FAM135B: variants seen among roughly 807,000 people sequenced by gnomAD.
FAM135B encodes the protein family with sequence similarity 135 member B, also known as protein FAM135B.
In FAM135B, 43 loss-of-function variants were observed where a neutral mutation model predicts 127.7. That is an observed-to-expected ratio of 0.34 (90% CI 0.26 to 0.43). The LOEUF (loss-of-function observed/expected upper bound fraction) is 0.43, where lower values mean the gene tolerates loss of function less well. FAM135B is among the 20% of genes least tolerant of loss of function. FAM135B has a pLI of 1.00. For missense variants in FAM135B, 1,558 were observed against 1,725.6 expected (o/e 0.90, Z 1.72); for synonymous variants, 670 against 665.1 (o/e 1.01, Z -0.11).
At chr8:138,291,059 G>A (rs1206530617) in intron 3 of FAM135B, among the ~76,000 whole-genome samples, 1 of 152,108 alleles carries the variant, frequency 6.6e-6, no homozygotes, top group East Asian at 1.9e-4. Context: ...CCTGGCGTAT[G>A]TTCTTGGGAT....
rs777526489 is a variant in FAM135B, at chr8:138,152,827, C to T, written c.1648G>A (p.Val550Met). 3 of 1,614,074 alleles carry T rather than the reference C, an allele frequency of 1.9e-6. No homozygotes were observed. Among genetic ancestry groups the T allele is most frequent in the African/African-American group, 1.3e-5 (1 of 74,924 alleles). Residue 550 changes from valine to methionine, a missense_variant, in exon 13 of 20, where the codon GTG becomes ATG. This residue lies in a region of FAM135B where 923 missense variants were observed against 865.3 expected (regional missense o/e 1.07). Coordinates refer to ENST00000395297, the MANE Select transcript of FAM135B (RefSeq NM_015912.4). ...GATTTTACGTCAATGTAGGTCAGCA[C>T]TGGGGCCTGTCCATCCTCTGGACCT... ...SPGPEDGQAPVLTYIDVKSSN... is the reference protein window; with the variant it reads ...SPGPEDGQAPMLTYIDVKSSN...
intron 1 of FAM135B, among the ~76,000 whole-genome samples, chr8:138,390,281 T>C (rs1405674995): frequency 1.3e-5 from 2 of 152,174 alleles, no homozygotes; most frequent in South Asian, 2.1e-4. Flanking sequence ...GAGGTTCACA[T>C]GAATCATAGG....
At chr8:138,417,963 G>A (rs1914937) in intron 1 of FAM135B, among the ~76,000 whole-genome samples, 10,336 of 152,048 alleles carry the variant, frequency 0.068, 806 homozygotes, top group East Asian at 0.26. Flanking sequence ...GGCTAAAATG[G>A]CAGACGTCAA....
At chr8:138,146,139 T>C (rs1395391964) in intron 14 of FAM135B, 89 bp from the exon 15 acceptor site, 2 of 683,836 alleles carry the variant, frequency 2.9e-6, no homozygotes, top group East Asian at 2.6e-5. Context: ...TCTCCCTCTT[T>C]CCCCATTTCT....
At chr8:138,306,471 AC>A (rs1826268906) in intron 3 of FAM135B, among the ~76,000 whole-genome samples, 1 of 151,666 alleles carries the variant, frequency 6.6e-6, no homozygotes, top group Non-Finnish European at 1.5e-5. Flanking sequence ...AGAAAAGGAA[AC>A]TACCAGATGA....
intron 1 of FAM135B, among the ~76,000 whole-genome samples, chr8:138,406,139 C>T (rs1210230441): frequency 1.3e-4 from 19 of 150,354 alleles, no homozygotes; most frequent in Non-Finnish European, 2.4e-4. Flanking sequence ...GAGTAGGTTG[C>T]GAAAATTTTC....
At chr8:138,296,974 C>T (rs1825521160) in intron 3 of FAM135B, among the ~76,000 whole-genome samples, 1 of 152,096 alleles carries the variant, frequency 6.6e-6, no homozygotes. Context: ...TCACACATAG[C>T]CCAATTTGTC....
intron 11 of FAM135B, among the ~76,000 whole-genome samples, chr8:138,169,816 T>C (rs971716245): frequency 1.3e-5 from 2 of 152,210 alleles, no homozygotes; most frequent in Non-Finnish European, 2.9e-5. Flanking sequence ...TTAAGCAATA[T>C]AGCAGGACAG....
chr8:138,433,605 T>C (rs575790901), intron 1 of FAM135B, among the ~76,000 whole-genome samples: 2 of 152,256 alleles, frequency 1.3e-5, no homozygotes, highest in Non-Finnish European at 1.5e-5. Context: ...ATGTAATCTC[T>C]ATTTCATAGT....
chr8:138,174,174 A>G (rs1814204426), intron 11 of FAM135B, among the ~76,000 whole-genome samples: 1 of 152,138 alleles, frequency 6.6e-6, no homozygotes, highest in South Asian at 2.1e-4. Context: ...CAAATACACT[A>G]GGTTGATTTC....
At chr8:138,427,959 G>A (rs116326909) in intron 1 of FAM135B, among the ~76,000 whole-genome samples, 2,783 of 152,066 alleles carry the variant, frequency 0.018, 79 homozygotes, top group African/African-American at 0.062. Flanking sequence ...TGTGCAAAGC[G>A]TACCTATTTC....
In FAM135B at chr8:138,250,926, G is replaced by A. The variant is rs1379687270; in HGVS notation, c.457C>T (p.Pro153Ser). The change falls in exon 6 of 20, where the codon CCG (proline) becomes TCG (serine). Residue 153 changes from proline to serine, a missense_variant. Pro to Ser is a moderately conservative substitution (Grantham distance 74). Coordinates refer to ENST00000395297, the MANE Select transcript of FAM135B (RefSeq NM_015912.4). ...AGGTGGAAATAGTCGAACATGACCG[G>A]GACCTGGTGGTGCAGACCATTCCGG... ...HPRNGLHHQV[P>S]VMFDYFHLSV... 1 of 1,613,846 alleles carries A rather than the reference G, an allele frequency of 6.2e-7. No homozygotes were observed. Among genetic ancestry groups the A allele is most frequent in the Non-Finnish European group, 8.5e-7 (1 of 1,179,964 alleles).
intron 1 of FAM135B, 97 bp from the exon 2 acceptor site, chr8:138,368,099 C>A (rs2131218697): frequency 5.1e-6 from 4 of 789,256 alleles, no homozygotes; most frequent in African/African-American, 1.7e-5. Context: ...CCAACAGGAC[C>A]AACAGGAGTA....
intron 3 of FAM135B, among the ~76,000 whole-genome samples, chr8:138,276,754 C>T (rs932991679): frequency 6.6e-6 from 1 of 152,182 alleles, no homozygotes; most frequent in African/African-American, 2.4e-5. Context: ...CAGGGTTGCA[C>T]TTGCAGTCTG....
chr8:138,349,437 T>C (rs922057891), intron 2 of FAM135B, among the ~76,000 whole-genome samples: 2 of 152,202 alleles, frequency 1.3e-5, no homozygotes, highest in African/African-American at 4.8e-5. Context: ...ACAGAACAGA[T>C]AGTATCTGCT....
chr8:138,478,001 G>A (rs16909207), intron 1 of FAM135B, among the ~76,000 whole-genome samples: 15,331 of 152,150 alleles, frequency 0.1, 2,010 homozygotes, highest in African/African-American at 0.3. Flanking sequence ...ACAAGTAGCA[G>A]CATGAGCCAG....
chr8:138,406,164 T>C (rs1422758738), intron 1 of FAM135B, among the ~76,000 whole-genome samples: 1 of 151,388 alleles, frequency 6.6e-6, no homozygotes, highest in African/African-American at 2.4e-5. Context: ...ATTTTGTAGG[T>C]TGCCTGTTCA....
intron 11 of FAM135B, among the ~76,000 whole-genome samples, chr8:138,169,136 A>C (rs1820202650): frequency 6.6e-6 from 1 of 152,078 alleles, no homozygotes; most frequent in Non-Finnish European, 1.5e-5. Context: ...GTGAATTTAC[A>C]TATTAACTAT....
At chr8:138,226,110 C>A (rs1026095641) in intron 7 of FAM135B, among the ~76,000 whole-genome samples, 15 of 149,064 alleles carry the variant, frequency 1.0e-4, no homozygotes, top group Admixed American at 8.0e-4. Flanking sequence ...AGATAAAGTA[C>A]CTTGAAGTTC....
Sources: allele counts gnomAD v4.1 joint callset (sites outside exome capture counted in the v4.1 genomes callset), GRCh38; gene constraint gnomAD v4.1.1; regional missense constraint gnomAD v4.1.1; transcripts MANE v1.5; gene names NCBI Gene and HGNC (gene_info 2026-07-23, HGNC 2026-07-21).